CBX6: variants seen among roughly 807,000 people sequenced by gnomAD.
CBX6 encodes the protein chromobox 6.
A neutral mutation model predicts 28.4 loss-of-function variants in CBX6; 7 were observed. The ratio of observed to expected loss-of-function variants is 0.25; its 90% CI spans 0.14 to 0.46. The LOEUF is 0.46. Ranked by LOEUF, CBX6 falls within the 20% of genes least tolerant of loss-of-function variation. CBX6 has a pLI of 0.99. For synonymous variants in CBX6, 297 were observed against 273.4 expected (o/e 1.09, Z -0.85); for missense variants, 512 against 606.1 (o/e 0.84, Z 1.63).
At position 38,866,688 on chromosome 22, in the gene CBX6, C is replaced by T. The variant is rs1376279069; in HGVS notation, c.760G>A (p.Ala254Thr). 4 of 1,415,762 alleles carry T rather than the reference C, an allele frequency of 2.8e-6. No homozygotes were observed. The highest frequency in any genetic ancestry group is 2.8e-6 in the Non-Finnish European group (3 of 1,071,766). The allele number at this position is 1,415,762 out of a possible 1,614,324, so 87.7% of individuals were successfully genotyped here. Residue 254 changes from alanine (A) to threonine (T), a missense_variant, in exon 5 of 5, where the codon GCC (alanine) becomes ACC (threonine). Physicochemically the swap from Ala to Thr is moderately conservative, Grantham distance 58. Around this residue, in one of 7 missense-constraint regions of CBX6, gnomAD observed 290 missense variants for 274.1 expected, o/e 1.06. Transcript: ENST00000407418. The surrounding 1 kb of genome is among the most constrained non-coding windows in gnomAD (Gnocchi z 7.5). ...GCCAGAAGTAGCCCAGGGCCCGGGG[C>T]TGAGGCCTCAGCCTTGCCGGGGGAC... ...APSPGKAEAS[A>T]PGPGLLLAAP...
Position 38,867,086 on chromosome 22 carries a change from T to C in CBX6, c.362A>G (p.Lys121Arg). The C allele has an allele frequency of 6.2e-7, 1 of 1,600,472 alleles. No individual in the cohort carries two copies. ...HSSAAVHRLK[K>R]DIRRCHRMSR... ...CATACGGTGGCAGCGGCGGATGTCC[T>C]TCTTGAGCCGGTGCACGGCTGCGCT... is the stretch of plus-strand genomic sequence containing the variant. Residue 121 changes from lysine (K) to arginine (R), a missense_variant, in exon 5 of 5, where the codon AAG becomes AGG. Lys to Arg is a conservative substitution (Grantham distance 26, BLOSUM62 2). This residue lies in a region of CBX6 where 123 missense variants were observed against 138.1 expected (regional missense o/e 0.89). Transcript: ENST00000407418.
Position 38,871,986 on chromosome 22 carries a change from A to T in CBX6, c.70-41T>A. The T allele has an allele frequency of 1.4e-6, 2 of 1,416,706 alleles. No homozygotes were observed. Among genetic ancestry groups the T allele is most frequent in the Middle Eastern group, 4.9e-4 (2 of 4,050 alleles). 87.8% of individuals were successfully genotyped at this position (1,416,706 alleles called of 1,614,324 possible). On this transcript the variant is annotated intron_variant, in intron 1 of 4. Coordinates refer to ENST00000407418, the MANE Select transcript of CBX6 (RefSeq NM_014292.5). This position sits in a 1 kb window ranked among gnomAD's most constrained non-coding sequence, Gnocchi z 5.6. Reference sequence around the variant, plus strand: ...GAGAAAAACGGGGGTGGGGGTGGGGAGGATGCGGGGACGCGAGGAGGCGGC... The same window carrying T: ...GAGAAAAACGGGGGTGGGGGTGGGGTGGATGCGGGGACGCGAGGAGGCGGC...
intron 4 of CBX6, among the ~76,000 whole-genome samples, 169 bp from the exon 5 acceptor site, chr22:38,867,370 C>T (rs1478942687): frequency 6.6e-6 from 1 of 152,206 alleles, no homozygotes; most frequent in Non-Finnish European, 1.5e-5. Flanking sequence ...AACAGAGGTT[C>T]AGAGATGAAG....
In CBX6 at chr22:38,864,540, G is replaced by C. The variant is rs1407872847; in HGVS notation, c.*1669C>G. 1 of 152,508 alleles carries C rather than the reference G, an allele frequency of 6.6e-6. No homozygotes were observed. The highest frequency in any genetic ancestry group is 1.5e-5 in the Non-Finnish European group (1 of 68,044). The allele number at this position is 152,508 out of a possible 1,614,324, so 9.4% of individuals were successfully genotyped here. ...ACACAGGGCAGGGTAGGGAGGGGCC[G>C]AGGAGTATCAGCCCCCGCCCCAACC... On this transcript the variant is annotated 3_prime_UTR_variant, in exon 5 of 5. Transcript: ENST00000407418.
chr22:38,864,158 T>C lies in CBX6; in HGVS notation c.*2051A>G, dbSNP rs1377349536. ...TGTGCAATCACTGCGTTACTATTTT[T>C]TCTTAAATAGCTCTTTCTCCCCCGC... On this transcript the variant is annotated 3_prime_UTR_variant, in exon 5 of 5. Coordinates refer to ENST00000407418, the MANE Select transcript of CBX6 (RefSeq NM_014292.5). 1.3e-5 allele frequency: 2 copies of C among 151,896 alleles called. No individual in the cohort carries two copies. Among genetic ancestry groups the C allele is most frequent in the Admixed American group, 1.3e-4 (2 of 15,260 alleles). The allele number at this position is 151,896 out of a possible 1,614,324, so 9.4% of individuals were successfully genotyped here. A position where few individuals can be genotyped will look rare whatever the true frequency, so the allele number is the denominator to read the frequency against.
intron 4 of CBX6, 56 bp from the exon 5 acceptor site, chr22:38,867,257 G>A: frequency 6.7e-7 from 1 of 1,483,734 alleles, no homozygotes; most frequent in Non-Finnish European, 9.0e-7. Context: ...GACCTCCCCT[G>A]GATGTCCCTA....
Position 38,871,393 on chromosome 22 carries a change from G to C in CBX6, c.246+87C>G, listed in dbSNP as rs2093181951. On this transcript the variant is annotated intron_variant, in intron 4 of 4. Transcript: ENST00000407418. The surrounding 1 kb of genome is among the most constrained non-coding windows in gnomAD (Gnocchi z 5.6). Reference sequence around the variant, plus strand: ...AAAAGGCCGGCCCGCTTGGGCGGCCGCGTATCTGTCCCTCCCTTCCAGGCC... The same window carrying C: ...AAAAGGCCGGCCCGCTTGGGCGGCCCCGTATCTGTCCCTCCCTTCCAGGCC... The C allele has an allele frequency of 2.2e-6, 3 of 1,366,090 alleles. No individual in the cohort carries two copies. Among genetic ancestry groups the C allele is most frequent in the Non-Finnish European group, 3.0e-6 (3 of 992,726 alleles). The allele number at this position is 1,366,090 out of a possible 1,614,324, so 84.6% of individuals were successfully genotyped here.
rs2093182341 is a variant in CBX6 at position 38,871,540 on chromosome 22, C to A, written c.186G>T (p.Arg62Ser). The A allele has an allele frequency of 6.2e-7, 1 of 1,613,676 alleles. No homozygotes were observed. Among genetic ancestry groups the A allele is most frequent in the East Asian group, 2.2e-5 (1 of 44,844 alleles). ...TCTTGGGCCCATACAGCTCACGCTC[C>A]CTCTCCCTGCGGCCGAAAAACACCA... ...RLIAAFEQKE[R>S]ERELYGPKKR... The change falls in exon 4 of 5, where the codon AGG becomes AGT. Residue 62 changes from arginine (R) to serine (S), a missense_variant. Coordinates refer to ENST00000407418, the MANE Select transcript of CBX6 (RefSeq NM_014292.5). The surrounding 1 kb of genome is among the most constrained non-coding windows in gnomAD (Gnocchi z 5.6).
In CBX6 at chr22:38,866,954, T is replaced by G; in HGVS notation, c.494A>C (p.Lys165Thr). Residue 165 changes from lysine to threonine, a missense_variant, in exon 5 of 5, where the codon AAG becomes ACG. This residue lies in a region of CBX6 where 123 missense variants were observed against 138.1 expected (regional missense o/e 0.89). Transcript: ENST00000407418. The surrounding 1 kb of genome is among the most constrained non-coding windows in gnomAD (Gnocchi z 7.5). The stretch of plus-strand genomic sequence containing the variant: ...GCGGTTCCGCTTGGGCTCCCGCGGC[T>G]TCACCTTGCGGTTGATGATGCGCAC... ...ETVRIINRKV[K>T]PREPKRNRII... 1 of 1,609,292 alleles carries G rather than the reference T, an allele frequency of 6.2e-7. No individual in the cohort carries two copies. The highest frequency in any genetic ancestry group is 8.5e-7 in the Non-Finnish European group (1 of 1,178,316).
chr22:38,865,995 G>C lies in CBX6; in HGVS notation c.*214C>G, dbSNP rs2093168406. ...CCCAGTGGGCTACCATGCATGGGCA[G>C]GGGGTGTGCCCTTCCCCTGCCCCAT... On this transcript the variant is annotated 3_prime_UTR_variant, in exon 5 of 5. Coordinates refer to ENST00000407418, the MANE Select transcript of CBX6 (RefSeq NM_014292.5). The C allele has an allele frequency of 3.4e-6, 2 of 587,652 alleles. No individual in the cohort carries two copies. Among genetic ancestry groups the C allele is most frequent in the Non-Finnish European group, 6.0e-6 (2 of 331,358 alleles). 36.4% of individuals were successfully genotyped at this position (587,652 alleles called of 1,614,324 possible).
chr22:38,871,458 T>C lies in CBX6; in HGVS notation c.246+22A>G. ...GGCTGGGGGCCCGAGAGGGGGATGC[T>C]GCTGGGGCTGGGCCAGGTTACCTTC... On this transcript the variant is annotated intron_variant, in intron 4 of 4. Coordinates refer to ENST00000407418, the MANE Select transcript of CBX6 (RefSeq NM_014292.5). The surrounding 1 kb of genome is among the most constrained non-coding windows in gnomAD (Gnocchi z 5.6). 6.3e-7 allele frequency: 1 copy of C among 1,598,110 alleles called. No homozygotes were observed. Among genetic ancestry groups the C allele is most frequent in the Non-Finnish European group, 8.5e-7 (1 of 1,172,194 alleles).
Position 38,866,338 on chromosome 22 carries a change from G to A in CBX6, c.1110C>T (p.Val370=), listed in dbSNP as rs2093169314. 2 of 1,613,854 alleles carry A rather than the reference G, an allele frequency of 1.2e-6. No homozygotes were observed. Among genetic ancestry groups the A allele is most frequent in the African/African-American group, 1.3e-5 (1 of 74,936 alleles). The part of the protein sequence containing the change: ...PEMSPCSNVV[V]TDVTSNLLTV... ...TCAGGAGGTTGCTGGTGACATCGGT[G>A]ACGACCACATTGGAGCAGGGTGACA... Residue 370 remains valine, a synonymous_variant, in exon 5 of 5, where the codon GTC becomes GTT. Coordinates refer to ENST00000407418, the MANE Select transcript of CBX6 (RefSeq NM_014292.5). This position sits in a 1 kb window ranked among gnomAD's most constrained non-coding sequence, Gnocchi z 7.5.
At position 38,871,489 on chromosome 22, in the gene CBX6, G is replaced by A; in HGVS notation, c.237C>T (p.Phe79=). 6.2e-7 allele frequency: 1 copy of A among 1,611,550 alleles called. No individual in the cohort carries two copies. The highest frequency in any genetic ancestry group is 8.5e-7 in the Non-Finnish European group (1 of 1,179,052). The stretch of plus-strand genomic sequence containing the variant: ...GGCTGGGCCAGGTTACCTTCAGGAG[G>A]AAAGTTTTGGGTTTGGGTCCCCTCT... The part of the protein sequence containing the change: ...PKKRGPKPKT[F]LLKARAQAEA... The change falls in exon 4 of 5, where the codon TTC becomes TTT. Residue 79 remains phenylalanine, a synonymous_variant. Coordinates refer to ENST00000407418, the MANE Select transcript of CBX6 (RefSeq NM_014292.5). The surrounding 1 kb of genome is among the most constrained non-coding windows in gnomAD (Gnocchi z 5.6).
chr22:38,866,446 A>T lies in CBX6; in HGVS notation c.1002T>A (p.Ala334=). Reference sequence around the variant, plus strand: ...CCGTGGGAGGTGCCGGGCCGGCAGCAGCTGTGACCTCAGGCGGTGCCCGCT... The same window carrying T: ...CCGTGGGAGGTGCCGGGCCGGCAGCTGCTGTGACCTCAGGCGGTGCCCGCT... ...TSKRAPPEVT[A]AAGPAPPTAP... Residue 334 remains alanine (A), a synonymous_variant, in exon 5 of 5, where the codon GCT becomes GCA. Transcript: ENST00000407418. This position sits in a 1 kb window ranked among gnomAD's most constrained non-coding sequence, Gnocchi z 7.5. 1 of 1,608,484 alleles carries T rather than the reference A, an allele frequency of 6.2e-7. No homozygotes were observed. The highest frequency in any genetic ancestry group is 1.3e-5 in the African/African-American group (1 of 74,982).
In CBX6 at chr22:38,871,404, C is replaced by T. The variant is rs538396511; in HGVS notation, c.246+76G>A. 2.1e-5 allele frequency: 30 copies of T among 1,442,880 alleles called. No homozygotes were observed. The Admixed American group carries it at 5.9e-4, about 28-fold the overall frequency. The allele number at this position is 1,442,880 out of a possible 1,614,324, so 89.4% of individuals were successfully genotyped here. A position where few individuals can be genotyped will look rare whatever the true frequency, so the allele number is the denominator to read the frequency against. On this transcript the variant is annotated intron_variant, in intron 4 of 4. Coordinates refer to ENST00000407418, the MANE Select transcript of CBX6 (RefSeq NM_014292.5). The surrounding 1 kb of genome is among the most constrained non-coding windows in gnomAD (Gnocchi z 5.6). Reference sequence around the variant, plus strand: ...CCGCTTGGGCGGCCGCGTATCTGTCCCTCCCTTCCAGGCCCCGTGCTGTGC... The same window carrying T: ...CCGCTTGGGCGGCCGCGTATCTGTCTCTCCCTTCCAGGCCCCGTGCTGTGC...
Position 38,867,076 on chromosome 22 carries a change from G to C in CBX6, c.372C>G (p.Arg124=). 6.2e-7 allele frequency: 1 copy of C among 1,603,256 alleles called. No individual in the cohort carries two copies. Among genetic ancestry groups the C allele is most frequent in the Non-Finnish European group, 8.5e-7 (1 of 1,176,570 alleles). The change falls in exon 5 of 5, where the codon CGC becomes CGG. Residue 124 remains arginine (R), a synonymous_variant. Coordinates refer to ENST00000407418, the MANE Select transcript of CBX6 (RefSeq NM_014292.5). ...GACGGCGGGACATACGGTGGCAGCG[G>C]CGGATGTCCTTCTTGAGCCGGTGCA... ...AAVHRLKKDI[R]RCHRMSRRPL... is the part of the protein sequence containing the mutation.
rs983916203 is a variant in CBX6, at chr22:38,861,448, C to T, written c.*4761G>A. The T allele has an allele frequency of 2.0e-5, 3 of 152,244 alleles. No individual in the cohort carries two copies. The highest frequency in any genetic ancestry group is 4.1e-4 in the South Asian group (2 of 4,832). The allele number at this position is 152,244 out of a possible 1,614,324, so 9.4% of individuals were successfully genotyped here. On this transcript the variant is annotated 3_prime_UTR_variant, in exon 5 of 5. Coordinates refer to ENST00000407418, the MANE Select transcript of CBX6 (RefSeq NM_014292.5). The stretch of plus-strand genomic sequence containing the variant: ...GGAAGAAGACACAGACACACCCCAA[C>T]CTAGGGGCTAGGCCTCAGCTTCGGA...
Position 38,862,586 on chromosome 22 carries a change from C to CACCACAA in CBX6, c.*3616_*3622dup, listed in dbSNP as rs1312957065. 6 of 146,488 alleles carry CACCACAA rather than the reference C, an allele frequency of 4.1e-5. No individual in the cohort carries two copies. The highest frequency in any genetic ancestry group is 3.4e-4 in the Admixed American group (5 of 14,746). The allele number at this position is 146,488 out of a possible 1,614,324, so 9.1% of individuals were successfully genotyped here. A position where few individuals can be genotyped will look rare whatever the true frequency, so the allele number is the denominator to read the frequency against. Reference sequence around the variant, plus strand: ...GAAAAACAAAAGAAAAAAGAAAAACCACCACAAACCAAAACAACAAAATGA... The same window carrying CACCACAA: ...GAAAAACAAAAGAAAAAAGAAAAACCACCACAAACCACAAACCAAAACAACAAAATGA... On this transcript the variant is annotated 3_prime_UTR_variant, in exon 5 of 5. Coordinates refer to ENST00000407418, the MANE Select transcript of CBX6 (RefSeq NM_014292.5).
rs2093183633 is a variant in CBX6 at position 38,872,070 on chromosome 22, G to A, written c.69+52C>T. 7.8e-7 allele frequency: 1 copy of A among 1,287,052 alleles called. No individual in the cohort carries two copies. The allele number at this position is 1,287,052 out of a possible 1,614,324, so 79.7% of individuals were successfully genotyped here. On this transcript the variant is annotated intron_variant, in intron 1 of 4. Transcript: ENST00000407418. This position sits in a 1 kb window ranked among gnomAD's most constrained non-coding sequence, Gnocchi z 5.0. ...GGACCGCTTCGCCCCGAGGGCCCCCGGCCCCGGCCCCGGCTGCGGACAGCG... is the reference window on the plus strand; with the variant it reads ...GGACCGCTTCGCCCCGAGGGCCCCCAGCCCCGGCCCCGGCTGCGGACAGCG...
Sources: gnomAD v4.1 joint callset for allele counts (sites outside exome capture counted in the v4.1 genomes callset) on GRCh38, gnomAD v4.1.1 for gene constraint, gnomAD v4.1.1 regional missense constraint, Gnocchi (gnomAD v3.1) non-coding constraint, MANE v1.5 for transcripts, NCBI Gene and HGNC (gene_info 2026-07-23, HGNC 2026-07-21) for gene names.